The following NPAS3 variants were observed in gnomAD, a reference collection of about 807,000 sequenced individuals.
The protein encoded by NPAS3 is neuronal PAS domain protein 3.
Under a neutral mutation model 73.1 loss-of-function variants are expected in NPAS3, and 14 were observed. That is an observed-to-expected ratio of 0.19 (90% CI 0.13 to 0.30). NPAS3 has a LOEUF of 0.30. Among genes scored for constraint, NPAS3 ranks in the 10% least tolerant of loss-of-function variants. The probability of loss-of-function intolerance (pLI) is 1.00; values close to 1 mark genes in which losing one functional copy is unlikely to be tolerated. For synonymous variants in NPAS3, 620 were observed against 541.5 expected, an observed-to-expected ratio of 1.14 and a Z score of -2.01; for missense variants, 1,096 against 1,250.0, an observed-to-expected ratio of 0.88 and a Z score of 1.86.
chr14:33,543,989 A>C (rs1441439499), intron 4 of NPAS3, among the ~76,000 whole-genome samples: 405 of 37,252 alleles, frequency 0.011, 5 homozygotes, highest in South Asian at 0.034. Flanking sequence ...ATATATATAT[A>C]TATATATATA....
At chr14:33,087,297 A>G (rs1036663994) in intron 2 of NPAS3, among the ~76,000 whole-genome samples, 3 of 137,730 alleles carry the variant, frequency 2.2e-5, no homozygotes, top group African/African-American at 8.1e-5. Context: ...TAAAACATTT[A>G]TTTAAAATTA....
intron 4 of NPAS3, among the ~76,000 whole-genome samples, chr14:33,394,269 A>T (rs2383466): frequency 0.049 from 7,438 of 152,056 alleles, 256 homozygotes; most frequent in East Asian, 0.15. Flanking sequence ...GCTGCTGTGA[A>T]CTCTGACCCC....
chr14:33,756,648 G>A (rs1403740794), intron 7 of NPAS3, among the ~76,000 whole-genome samples: 1 of 152,200 alleles, frequency 6.6e-6, no homozygotes, highest in African/African-American at 2.4e-5. Flanking sequence ...CTACCTTAGA[G>A]GCTATTGTAA....
intron 7 of NPAS3, among the ~76,000 whole-genome samples, chr14:33,750,300 A>G (rs1451025893): frequency 6.6e-6 from 1 of 152,052 alleles, no homozygotes; most frequent in Non-Finnish European, 1.5e-5. Context: ...GGTAGAAGAA[A>G]TCATCACTGA....
intron 3 of NPAS3, among the ~76,000 whole-genome samples, chr14:33,328,203 G>A (rs183822270): frequency 2.6e-5 from 4 of 152,100 alleles, no homozygotes; most frequent in African/African-American, 9.6e-5. Context: ...GAAATTGCCT[G>A]AGCTGGGCCC....
chr14:33,248,418 T>A (rs1284533804), intron 3 of NPAS3, among the ~76,000 whole-genome samples: 107 of 152,350 alleles, frequency 7.0e-4, no homozygotes, highest in Non-Finnish European at 1.2e-3. Context: ...TATATTTTTA[T>A]TCCAGTGTTC....
At chr14:33,704,658 C>G (rs1370992427) in intron 6 of NPAS3, among the ~76,000 whole-genome samples, 1 of 152,166 alleles carries the variant, frequency 6.6e-6, no homozygotes, top group African/African-American at 2.4e-5. Flanking sequence ...CTCATTTTCT[C>G]AACACCTTTC....
chr14:33,091,777 T>A (rs2042232876), intron 2 of NPAS3, among the ~76,000 whole-genome samples: 1 of 152,074 alleles, frequency 6.6e-6, no homozygotes, highest in Admixed American at 6.6e-5. Context: ...TCCACCGTGA[T>A]CAAGTGGGCT....
chr14:33,425,836 C>T (rs1366014020), intron 4 of NPAS3, among the ~76,000 whole-genome samples: 3 of 151,990 alleles, frequency 2.0e-5, no homozygotes, highest in Non-Finnish European at 4.4e-5. Flanking sequence ...GGGTAATGAA[C>T]CTGCAGCATC....
chr14:33,317,693 C>T (rs1217540815), intron 3 of NPAS3, among the ~76,000 whole-genome samples: 1 of 151,962 alleles, frequency 6.6e-6, no homozygotes, highest in East Asian at 1.9e-4. Context: ...ATTTGCTTCC[C>T]CTTCGGCCAT....
chr14:33,185,686 C>A (rs1226948447), intron 2 of NPAS3, among the ~76,000 whole-genome samples: 3 of 152,136 alleles, frequency 2.0e-5, no homozygotes, highest in Non-Finnish European at 4.4e-5. Flanking sequence ...TCCTTACACT[C>A]ACTCTCATGT....
In NPAS3 at chr14:33,685,253, T is replaced by C. The variant is rs1406196283; in HGVS notation, c.733+8868T>C. On this transcript the variant is annotated intron_variant, in intron 6 of 11. Transcript: ENST00000356141. ...CGTGGTAATGAGGATCAGGACACTATGGTGCGTAAGTAGGATAGCATCATA... is the reference window on the plus strand; with the variant it reads ...CGTGGTAATGAGGATCAGGACACTACGGTGCGTAAGTAGGATAGCATCATA... Among the ~76,000 whole-genome samples, 3 of 152,180 alleles carry C rather than the reference T, an allele frequency of 2.0e-5. No individual in the cohort carries two copies. In the East Asian group the frequency reaches 5.8e-4, roughly 29 times the overall value.
At chr14:33,123,104 AATT>A (rs35103556) in intron 2 of NPAS3, among the ~76,000 whole-genome samples, 37,803 of 149,690 alleles carry the variant, frequency 0.25, 5,437 homozygotes, top group Admixed American at 0.43. Context: ...TATTTAGATA[AATT>A]AAATAAATTT....
chr14:33,628,145 C>T (rs1307155677), intron 5 of NPAS3, among the ~76,000 whole-genome samples: 1 of 152,204 alleles, frequency 6.6e-6, no homozygotes, highest in East Asian at 1.9e-4. Context: ...TACAGTTTAA[C>T]TCTCATCTTT....
chr14:32,940,020 C>G (rs541373060), intron 1 of NPAS3, among the ~76,000 whole-genome samples: 13 of 152,340 alleles, frequency 8.5e-5, no homozygotes, highest in Middle Eastern at 3.4e-3. Flanking sequence ...GTCTCCCGCT[C>G]TGCCCTCCGC....
intron 3 of NPAS3, among the ~76,000 whole-genome samples, chr14:33,360,957 C>T (rs1056562201): frequency 1.3e-5 from 2 of 152,072 alleles, no homozygotes; most frequent in Non-Finnish European, 2.9e-5. Flanking sequence ...CTCCAAACAG[C>T]AGCTTAACCC....
intron 3 of NPAS3, among the ~76,000 whole-genome samples, chr14:33,321,919 CAG>C (rs2043465124): frequency 6.6e-6 from 1 of 152,036 alleles, no homozygotes; most frequent in Non-Finnish European, 1.5e-5. Flanking sequence ...CCTTGAGAAA[CAG>C]AAAGGATTTA....
intron 2 of NPAS3, among the ~76,000 whole-genome samples, chr14:33,120,998 T>C (rs183714888): frequency 1.3e-5 from 2 of 152,292 alleles, no homozygotes; most frequent in East Asian, 3.9e-4. Flanking sequence ...CAAAATTATC[T>C]TTCAGAAATA....
At chr14:33,386,969 A>G (rs2046799883) in intron 4 of NPAS3, among the ~76,000 whole-genome samples, 1 of 152,250 alleles carries the variant, frequency 6.6e-6, no homozygotes, top group Admixed American at 6.5e-5. Flanking sequence ...GATGTGGCCA[A>G]GGCTGTGGTA....
Sources: gnomAD v4.1 joint callset for allele counts (sites outside exome capture counted in the v4.1 genomes callset) on GRCh38, gnomAD v4.1.1 for gene constraint, MANE v1.5 for transcripts, NCBI Gene and HGNC (gene_info 2026-07-23, HGNC 2026-07-21) for gene names.